Variants in KIF26B observed in about 807,000 individuals in gnomAD.
KIF26B encodes the protein kinesin-like protein KIF26B.
KIF26B carries 63 observed loss-of-function variants against 151.2 expected under a neutral mutation model. That is an observed-to-expected ratio of 0.42 (90% CI 0.34 to 0.51). The LOEUF (loss-of-function observed/expected upper bound fraction) is 0.51, where lower values mean the gene tolerates loss of function less well. Among genes scored for constraint, KIF26B ranks in the 20% least tolerant of loss-of-function variants. The pLI is 0.07. For missense variants in KIF26B, 2,813 were observed against 2,913.6 expected (o/e 0.97, Z 0.79); for synonymous variants, 1,357 against 1,262.1 (o/e 1.08, Z -1.59).
chr1:245,553,709 A>T (rs868193436), intron 5 of KIF26B, among the ~76,000 whole-genome samples: 10 of 152,144 alleles, frequency 6.6e-5, no homozygotes, highest in Non-Finnish European at 1.3e-4. Context: ...CCTACTCCGG[A>T]ATAGTAAGAA....
At chr1:245,443,051 T>TGGTCATCTCCCTCACTGTTCACCTAGAGC (rs1659152636) in intron 4 of KIF26B, among the ~76,000 whole-genome samples, 3 of 24,772 alleles carry the variant, frequency 1.2e-4, no homozygotes, top group Admixed American at 4.1e-4. Context: ...TCACCTAGAG[T>TGGTCATCTCCCTCACTGTTCACCTAGAGC]GGTCATCTCC....
intron 12 of KIF26B, among the ~76,000 whole-genome samples, chr1:245,694,318 C>T (rs547609807): frequency 5.8e-4 from 88 of 152,350 alleles, no homozygotes; most frequent in African/African-American, 2.1e-3. Flanking sequence ...ATCTACAGTT[C>T]CTTTCAACAT....
At chr1:245,267,247 G>A (rs1226419680) in intron 2 of KIF26B, among the ~76,000 whole-genome samples, 1 of 152,178 alleles carries the variant, frequency 6.6e-6, no homozygotes, top group Non-Finnish European at 1.5e-5. Flanking sequence ...GTCAGCTGTG[G>A]TATCAACACA....
At chr1:245,408,183 A>T (rs1409714393) in intron 3 of KIF26B, among the ~76,000 whole-genome samples, 1 of 152,106 alleles carries the variant, frequency 6.6e-6, no homozygotes, top group African/African-American at 2.4e-5. Context: ...GAATTTGCTG[A>T]GTTGCAAATT....
chr1:245,542,515 A>G (rs1300587080), intron 5 of KIF26B, among the ~76,000 whole-genome samples: 1 of 152,206 alleles, frequency 6.6e-6, no homozygotes, highest in Non-Finnish European at 1.5e-5. Flanking sequence ...TGGGCTGTCT[A>G]CAGGGCCTGC....
chr1:245,425,552 G>A (rs565226793), intron 4 of KIF26B, among the ~76,000 whole-genome samples: 9 of 152,072 alleles, frequency 5.9e-5, no homozygotes, highest in Non-Finnish European at 1.2e-4. Context: ...GACTACAGGC[G>A]TCCAACACCA....
rs2044844485 is a variant in KIF26B, at chr1:245,706,588, G to A, written c.*3982G>A. The A allele has an allele frequency of 1.3e-5, 2 of 152,146 alleles. No homozygotes were observed. The highest frequency in any genetic ancestry group is 4.8e-5 in the African/African-American group (2 of 41,420). The allele number at this position is 152,146 out of a possible 1,614,324, so 9.4% of individuals were successfully genotyped here. A position where few individuals can be genotyped will look rare whatever the true frequency, so the allele number is the denominator to read the frequency against. On this transcript the variant is annotated 3_prime_UTR_variant, in exon 15 of 15. Transcript: ENST00000407071. ...CTGCTGGACTAGTAACCCATTCTTG[G>A]AGCACACACAGAGTCCCTCGCTTCT...
intron 4 of KIF26B, among the ~76,000 whole-genome samples, chr1:245,467,174 C>G (rs988800744): frequency 6.6e-6 from 1 of 152,084 alleles, no homozygotes. Flanking sequence ...AGAACATCAA[C>G]GTTTTTGAAC....
chr1:245,263,922 G>A (rs7537661), intron 2 of KIF26B, among the ~76,000 whole-genome samples: 5 of 152,128 alleles, frequency 3.3e-5, no homozygotes, highest in African/African-American at 1.2e-4. Flanking sequence ...GCTTTCTCAC[G>A]CTGAGCCTTT....
At chr1:245,199,010 G>T (rs1250709137) in intron 2 of KIF26B, among the ~76,000 whole-genome samples, 2 of 145,806 alleles carry the variant, frequency 1.4e-5, no homozygotes, top group Non-Finnish European at 3.1e-5. Flanking sequence ...CCAAGCAGGG[G>T]ACAGACTAGG....
chr1:245,234,044 C>T lies in KIF26B; in HGVS notation c.465+77361C>T, dbSNP rs141481434. 6.3e-3 allele frequency among the ~76,000 whole-genome samples: 955 copies of T among 152,064 alleles called. 17 individuals are homozygous for T. Among genetic ancestry groups the T allele is most frequent in the African/African-American group, 0.021 (876 of 41,454 alleles). On this transcript the variant is annotated intron_variant, in intron 2 of 14. Transcript: ENST00000407071. ...ACTAAAAATACAAAAATTAGCTGGG[C>T]ATGGTGGCGGGCACCTGTAATCCCA... is the stretch of plus-strand genomic sequence containing the variant.
At chr1:245,333,198 T>C (rs35127893) in intron 2 of KIF26B, among the ~76,000 whole-genome samples, 39,103 of 152,108 alleles carry the variant, frequency 0.26, 7,496 homozygotes, top group African/African-American at 0.51. Flanking sequence ...CACCAGGGCC[T>C]GTCACCGTAT....
At chr1:245,230,047 C>T (rs922470528) in intron 2 of KIF26B, among the ~76,000 whole-genome samples, 16 of 151,936 alleles carry the variant, frequency 1.1e-4, no homozygotes, top group South Asian at 2.1e-4. Flanking sequence ...GCAGGAGAAT[C>T]GCTTGAACCC....
At chr1:245,184,539 T>G (rs1369533473) in intron 2 of KIF26B, among the ~76,000 whole-genome samples, 1 of 152,194 alleles carries the variant, frequency 6.6e-6, no homozygotes, top group Non-Finnish European at 1.5e-5. Flanking sequence ...CTATTTGATT[T>G]TAAAATCTTG....
intron 4 of KIF26B, among the ~76,000 whole-genome samples, chr1:245,424,994 G>T (rs72761176): frequency 6.6e-6 from 1 of 151,298 alleles, no homozygotes; most frequent in Non-Finnish European, 1.5e-5. Flanking sequence ...AAAAGAGATC[G>T]AGACAACTGA....
intron 4 of KIF26B, among the ~76,000 whole-genome samples, chr1:245,422,516 G>A (rs1658513097): frequency 1.3e-5 from 2 of 152,168 alleles, no homozygotes; most frequent in Admixed American, 6.5e-5. Flanking sequence ...ACGTCCATGT[G>A]ATAAGCCAAA....
chr1:245,239,085 C>T lies in KIF26B; in HGVS notation c.465+82402C>T, dbSNP rs540101793. 7.8e-4 allele frequency among the ~76,000 whole-genome samples: 118 copies of T among 152,232 alleles called. 5 individuals carry two copies. In the South Asian group the frequency reaches 0.017, roughly 22 times the overall value. On this transcript the variant is annotated intron_variant, in intron 2 of 14. Coordinates refer to ENST00000407071, the MANE Select transcript of KIF26B (RefSeq NM_018012.4). The surrounding 1 kb of genome is among the most constrained non-coding windows in gnomAD (Gnocchi z 4.3). ...AAGAGTTGTATTTTCTGCCTCACGT[C>T]GCTGTCCTTCTCCCAGCCCATTCAT...
intron 2 of KIF26B, among the ~76,000 whole-genome samples, chr1:245,233,679 A>G (rs1055089663): frequency 1.3e-5 from 2 of 152,174 alleles, no homozygotes; most frequent in Non-Finnish European, 2.9e-5. Context: ...CCACAGACAC[A>G]TATTCCAAAT....
intron 4 of KIF26B, among the ~76,000 whole-genome samples, chr1:245,465,955 T>A (rs890304196): frequency 1.3e-5 from 2 of 152,194 alleles, no homozygotes; most frequent in Non-Finnish European, 2.9e-5. Flanking sequence ...CTTGCATCCG[T>A]CTGCCTCCTG....
Sources: allele counts gnomAD v4.1 joint callset (sites outside exome capture counted in the v4.1 genomes callset), GRCh38; gene constraint gnomAD v4.1.1; non-coding constraint Gnocchi (gnomAD v3.1); transcripts MANE v1.5; gene names NCBI Gene and HGNC (gene_info 2026-07-23, HGNC 2026-07-21).